Variants in PLCB1 observed in about 807,000 individuals in gnomAD.
PLCB1 encodes the protein 1-phosphatidylinositol 4,5-bisphosphate phosphodiesterase beta-1.
Under a neutral mutation model 161.8 loss-of-function variants are expected in PLCB1, and 46 were observed. The observed-to-expected ratio is 0.28, with a 90% CI of 0.22 to 0.36. PLCB1 has a LOEUF of 0.36. Among genes scored for constraint, PLCB1 ranks in the 10% least tolerant of loss-of-function variants. The probability of loss-of-function intolerance (pLI) is 1.00; values close to 1 mark genes in which losing one functional copy is unlikely to be tolerated. For synonymous variants in PLCB1, 517 were observed against 503.7 expected (o/e 1.03, Z -0.35); for missense variants, 1,016 against 1,472.5 (o/e 0.69, Z 5.07).
intron 2 of PLCB1, among the ~76,000 whole-genome samples, chr20:8,191,346 C>T (rs1203904745): frequency 2.0e-5 from 3 of 152,010 alleles, no homozygotes; most frequent in Non-Finnish European, 2.9e-5. Flanking sequence ...ACATCCTTCA[C>T]ACAAATTCAC....
intron 11 of PLCB1, among the ~76,000 whole-genome samples, chr20:8,702,677 A>G (rs1277500370): frequency 2.0e-5 from 3 of 152,226 alleles, no homozygotes; most frequent in African/African-American, 7.2e-5. Flanking sequence ...TATTGAATCT[A>G]GTGTTACAAG....
chr20:8,625,048 G>A (rs1988293775), intron 3 of PLCB1, among the ~76,000 whole-genome samples: 1 of 152,112 alleles, frequency 6.6e-6, no homozygotes, highest in Non-Finnish European at 1.5e-5. Flanking sequence ...AGATAAGGTG[G>A]TTTGCATGCA....
In PLCB1 at chr20:8,528,444, C is replaced by G. The variant is rs1471462629; in HGVS notation, c.247-99850C>G. On this transcript the variant is annotated intron_variant, in intron 3 of 31. Transcript: ENST00000338037. ...AAGTTATTCCATTCATAACAGGTTA[C>G]ATTCTAAGTTATTCCATTCATACGA... Among the ~76,000 whole-genome samples, 3 of 152,050 alleles carry G rather than the reference C, an allele frequency of 2.0e-5. No individual in the cohort carries two copies. The South Asian group carries it at 6.2e-4, about 31-fold the overall frequency.
At chr20:8,855,838 C>G (rs1987049120) in intron 31 of PLCB1, among the ~76,000 whole-genome samples, 1 of 152,182 alleles carries the variant, frequency 6.6e-6, no homozygotes, top group South Asian at 2.1e-4. Context: ...GGTCTTCAGT[C>G]TTTTTGGTCT....
At chr20:8,330,515 T>C (rs995794715) in intron 2 of PLCB1, among the ~76,000 whole-genome samples, 2 of 152,208 alleles carry the variant, frequency 1.3e-5, no homozygotes, top group African/African-American at 4.8e-5. Flanking sequence ...CTTTCACTGG[T>C]TCAGTTGCAT....
chr20:8,234,573 AC>A (rs1980226422), intron 2 of PLCB1, among the ~76,000 whole-genome samples: 1 of 152,152 alleles, frequency 6.6e-6, no homozygotes, highest in Non-Finnish European at 1.5e-5. Context: ...CCTATTAAAT[AC>A]TATTCCTAGA....
intron 3 of PLCB1, among the ~76,000 whole-genome samples, chr20:8,612,652 A>C (rs1030891333): frequency 6.6e-6 from 1 of 152,126 alleles, no homozygotes; most frequent in African/African-American, 2.4e-5. Context: ...ATTGAGCCAC[A>C]TGTATCAGGT....
intron 2 of PLCB1, among the ~76,000 whole-genome samples, chr20:8,255,737 T>A (rs1981375994): frequency 6.6e-6 from 1 of 152,026 alleles, no homozygotes; most frequent in Admixed American, 6.6e-5. Context: ...GACAGTTTAA[T>A]TTCTTCTATG....
intron 11 of PLCB1, among the ~76,000 whole-genome samples, chr20:8,703,233 A>G (rs535195267): frequency 2.0e-5 from 3 of 152,346 alleles, no homozygotes; most frequent in South Asian, 2.1e-4. Flanking sequence ...TAAGCATTCA[A>G]TAACCCTACT....
intron 23 of PLCB1, among the ~76,000 whole-genome samples, chr20:8,753,883 A>G (rs1001274551): frequency 1.3e-5 from 2 of 152,150 alleles, no homozygotes; most frequent in African/African-American, 4.8e-5. Flanking sequence ...ACTTTGCCCT[A>G]TTGCATTAAA....
chr20:8,863,381 C>G (rs951206593), intron 31 of PLCB1, among the ~76,000 whole-genome samples: 1 of 152,166 alleles, frequency 6.6e-6, no homozygotes, highest in Non-Finnish European at 1.5e-5. Context: ...ATGAATGATC[C>G]TCAACAATTC....
chr20:8,829,152 G>A (rs1985859229), intron 31 of PLCB1, among the ~76,000 whole-genome samples: 1 of 152,126 alleles, frequency 6.6e-6, no homozygotes, highest in South Asian at 2.1e-4. Context: ...ATAACAAAAT[G>A]TTAGGGAAAA....
chr20:8,618,452 C>T (rs2123189988), intron 3 of PLCB1, among the ~76,000 whole-genome samples: 1 of 151,868 alleles, frequency 6.6e-6, no homozygotes, highest in East Asian at 1.9e-4. Context: ...AGCTTGAGCC[C>T]AGTGGTTCAA....
In PLCB1 at chr20:8,363,256, C is replaced by T. The variant is rs528514442; in HGVS notation, c.178-8126C>T. On this transcript the variant is annotated intron_variant, in intron 2 of 31. Transcript: ENST00000338037. ...TTATTATCTCACAGTTTCAGTGGGT[C>T]AGGGTCTCACCTGCTTAGGGTATCC... is the stretch of plus-strand genomic sequence containing the variant. Among the ~76,000 whole-genome samples, 5 of 152,254 alleles carry T rather than the reference C, an allele frequency of 3.3e-5. No homozygotes were observed. The East Asian group carries it at 9.7e-4, about 29-fold the overall frequency.
intron 2 of PLCB1, among the ~76,000 whole-genome samples, chr20:8,174,110 T>G (rs1231510598): frequency 6.6e-6 from 1 of 152,092 alleles, no homozygotes; most frequent in South Asian, 2.1e-4. Context: ...TGTCCCAAAT[T>G]TGGCAGAAAA....
At chr20:8,290,287 C>T (rs1331358521) in intron 2 of PLCB1, among the ~76,000 whole-genome samples, 1 of 152,122 alleles carries the variant, frequency 6.6e-6, no homozygotes, top group Non-Finnish European at 1.5e-5. Flanking sequence ...GAGACAAGGA[C>T]TCTGAATGCA....
In PLCB1 at chr20:8,450,382, A is replaced by T. The variant is rs1358453588; in HGVS notation, c.246+78932A>T. Reference sequence around the variant, plus strand: ...AAGCCATCACATAAATTTTTCTTTCATTTTTTTTTTTGTCAGTCTCTGAAA... The same window carrying T: ...AAGCCATCACATAAATTTTTCTTTCTTTTTTTTTTTTGTCAGTCTCTGAAA... On this transcript the variant is annotated intron_variant, in intron 3 of 31. Transcript: ENST00000338037. Among the ~76,000 whole-genome samples, 9 of 145,990 alleles carry T rather than the reference A, an allele frequency of 6.2e-5. No individual in the cohort carries two copies. In the South Asian group the frequency reaches 8.6e-4, roughly 14 times the overall value.
Position 8,649,383 on chromosome 20 carries a change from C to T in PLCB1, c.528C>T (p.Arg176=). The T allele has an allele frequency of 6.2e-7, 1 of 1,613,158 alleles. No homozygotes were observed. The highest frequency in any genetic ancestry group is 8.5e-7 in the Non-Finnish European group (1 of 1,179,126). ...TGTGTTCACTTCACAGCATATATCG[C>T]TTGTTTTCAGCAGATCGGAAGCGAG... is the stretch of plus-strand genomic sequence containing the variant. The part of the protein sequence containing the change: ...EGRIPLKNIY[R]LFSADRKRVE... The change falls in exon 7 of 32, where the codon CGC becomes CGT. Residue 176 remains arginine, a synonymous_variant. Transcript: ENST00000338037.
chr20:8,309,925 T>C (rs1984318469), intron 2 of PLCB1, among the ~76,000 whole-genome samples: 1 of 152,234 alleles, frequency 6.6e-6, no homozygotes, highest in African/African-American at 2.4e-5. Flanking sequence ...AGGTTATATA[T>C]TGCTACTGCT....
Sources: allele counts gnomAD v4.1 joint callset (sites outside exome capture counted in the v4.1 genomes callset), GRCh38; gene constraint gnomAD v4.1.1; transcripts MANE v1.5; gene names NCBI Gene and HGNC (gene_info 2026-07-23, HGNC 2026-07-21).